Variants in RLF observed in about 807,000 individuals in gnomAD.
RLF encodes the protein RLF zinc finger, also known as zinc finger protein Rlf.
In RLF, 7 loss-of-function variants were observed where a neutral mutation model predicts 162.9. The ratio of observed to expected loss-of-function variants is 0.04; its 90% CI spans 0.02 to 0.08. The LOEUF (loss-of-function observed/expected upper bound fraction) is 0.08, where lower values mean the gene tolerates loss of function less well. RLF is among the 10% of genes least tolerant of loss of function. RLF has a pLI of 1.00. For synonymous variants in RLF, 782 were observed against 791.5 expected (o/e 0.99, Z 0.20); for missense variants, 1,664 against 2,244.7 (o/e 0.74, Z 5.23).
intron 1 of RLF, among the ~76,000 whole-genome samples, chr1:40,163,175 G>T (rs1198479412): frequency 6.6e-6 from 1 of 152,164 alleles, no homozygotes; most frequent in Non-Finnish European, 1.5e-5. Context: ...GAAGTAACTG[G>T]GAGAGGCCAC....
At chr1:40,185,389 C>G (rs1462792873) in intron 1 of RLF, among the ~76,000 whole-genome samples, 1 of 150,158 alleles carries the variant, frequency 6.7e-6, no homozygotes, top group Non-Finnish European at 1.5e-5. Flanking sequence ...CTCGGCCTCC[C>G]AAAGTGCTGG....
At chr1:40,173,533 A>G (rs1642275995) in intron 1 of RLF, among the ~76,000 whole-genome samples, 1 of 136,942 alleles carries the variant, frequency 7.3e-6, no homozygotes, top group Admixed American at 6.9e-5. Context: ...TTTTTTTTTA[A>G]GACAGAGCCT....
Position 40,171,763 on chromosome 1 carries a change from C to T in RLF, c.237+10127C>T, listed in dbSNP as rs182779609. ...AGAATGTGTGTTTATATAAATATTA[C>T]AATTTCTAATTGTGCAAACAACTCA... is the stretch of plus-strand genomic sequence containing the variant. On this transcript the variant is annotated intron_variant, in intron 1 of 7. Transcript: ENST00000372771. Among the ~76,000 whole-genome samples the T allele has an allele frequency of 8.6e-3, 1,315 of 152,124 alleles. 7 individuals are homozygous for T. The highest frequency in any genetic ancestry group is 0.031 in the Middle Eastern group (9 of 290).
At chr1:40,197,835 T>G (rs983496553) in intron 4 of RLF, among the ~76,000 whole-genome samples, 1 of 152,178 alleles carries the variant, frequency 6.6e-6, no homozygotes, top group African/African-American at 2.4e-5. Flanking sequence ...TAAAAAGCTT[T>G]CTTTATATCT....
intron 1 of RLF, among the ~76,000 whole-genome samples, chr1:40,162,217 G>A (rs901661477): frequency 2.0e-5 from 3 of 149,806 alleles, no homozygotes; most frequent in Non-Finnish European, 4.4e-5. Context: ...CCGTTCTTTC[G>A]TCTTTTCTGT....
chr1:40,200,542 TCTAACTGCA>T (rs1261178022), intron 4 of RLF, among the ~76,000 whole-genome samples: 2 of 152,020 alleles, frequency 1.3e-5, no homozygotes, highest in Non-Finnish European at 2.9e-5. Flanking sequence ...AGAAGATAGC[TCTAACTGCA>T]CAGATGATAG....
At position 40,212,089 on chromosome 1, in the gene RLF, A is replaced by G. The variant is rs557717014; in HGVS notation, c.810+9475A>G. ...GTTCTAAAGTAGCAGAGTTACACAC[A>G]TATTTGCCATCTACTTCACCTGAGT... is the stretch of plus-strand genomic sequence containing the variant. On this transcript the variant is annotated intron_variant, in intron 5 of 7. Coordinates refer to ENST00000372771, the MANE Select transcript of RLF (RefSeq NM_012421.4). Among the ~76,000 whole-genome samples the G allele has an allele frequency of 8.5e-5, 13 of 152,382 alleles. No individual in the cohort carries two copies. The East Asian group carries it at 1.9e-3, about 23-fold the overall frequency.
chr1:40,163,586 T>C (rs1642125680), intron 1 of RLF, among the ~76,000 whole-genome samples: 1 of 152,216 alleles, frequency 6.6e-6, no homozygotes, highest in Non-Finnish European at 1.5e-5. Flanking sequence ...GTGTAATTTG[T>C]CTTTTCTATG....
intron 6 of RLF, among the ~76,000 whole-genome samples, chr1:40,224,814 C>T (rs190317909): frequency 1.3e-5 from 2 of 150,584 alleles, no homozygotes; most frequent in East Asian, 4.0e-4. Context: ...TGGTGAAACC[C>T]CGTCTCTACT....
At chr1:40,190,917 A>G in intron 3 of RLF, 64 bp downstream of exon 3, 1 of 978,456 alleles carries the variant, frequency 1.0e-6, no homozygotes, top group Non-Finnish European at 1.6e-6. Context: ...TACTCCCAGC[A>G]AACTAAAATT....
At chr1:40,183,337 C>T (rs1642431605) in intron 1 of RLF, among the ~76,000 whole-genome samples, 1 of 152,188 alleles carries the variant, frequency 6.6e-6, no homozygotes, top group Non-Finnish European at 1.5e-5. Context: ...CACATAACTT[C>T]CTATTGCCAT....
In RLF at chr1:40,239,460, G is replaced by T; in HGVS notation, c.4758G>T (p.Glu1586Asp). Reference sequence around the variant, plus strand: ...GTGCCTATTTAGAGCAACAGATGGAGAATCTTGTTGTTTGCGTTAAGTACG... The same window carrying T: ...GTGCCTATTTAGAGCAACAGATGGATAATCTTGTTGTTTGCGTTAAGTACG... ...MSSAYLEQQM[E>D]NLVVCVKYGT... The change falls in exon 8 of 8, where the codon GAG becomes GAT. Residue 1586 changes from glutamate to aspartate, a missense_variant. By Grantham distance (45) the Glu-to-Asp change is conservative (BLOSUM62 2). Coordinates refer to ENST00000372771, the MANE Select transcript of RLF (RefSeq NM_012421.4). 6.2e-7 allele frequency: 1 copy of T among 1,614,004 alleles called. No homozygotes were observed. The highest frequency in any genetic ancestry group is 8.5e-7 in the Non-Finnish European group (1 of 1,180,040).
In RLF at chr1:40,162,184, CT is replaced by C. The variant is rs111773742; in HGVS notation, c.237+561del. ...GAGCCGGTTGGTTGTTTGGTTTTTG[CT>C]TTTTTTTTTTTTACGTTTAAGCCGT... is the stretch of plus-strand genomic sequence containing the variant. On this transcript the variant is annotated intron_variant, in intron 1 of 7. Coordinates refer to ENST00000372771, the MANE Select transcript of RLF (RefSeq NM_012421.4). Among the ~76,000 whole-genome samples, 993 of 139,182 alleles carry C rather than the reference CT, an allele frequency of 7.1e-3. 14 individuals carry two copies. The highest frequency in any genetic ancestry group is 0.033 in the East Asian group (162 of 4,856). The allele number at this position is 139,182 out of a possible 152,430, so 91.3% of individuals were successfully genotyped here.
chr1:40,196,109 T>C (rs1642632466), intron 4 of RLF, among the ~76,000 whole-genome samples: 1 of 151,854 alleles, frequency 6.6e-6, no homozygotes, highest in Non-Finnish European at 1.5e-5. Flanking sequence ...GTTGTCTCGC[T>C]CTGTCACCCA....
At chr1:40,219,806 C>G (rs1193747812) in intron 5 of RLF, among the ~76,000 whole-genome samples, 7 of 152,174 alleles carry the variant, frequency 4.6e-5, no homozygotes, top group Admixed American at 4.6e-4. Flanking sequence ...TTAGTATTTG[C>G]TGAAACTGCA....
At chr1:40,219,601 A>G (rs1642966761) in intron 5 of RLF, among the ~76,000 whole-genome samples, 1 of 152,232 alleles carries the variant, frequency 6.6e-6, no homozygotes, top group African/African-American at 2.4e-5. Flanking sequence ...AGCCCACACT[A>G]TAAACTAGTT....
chr1:40,187,954 T>TCCTCTGAAAATAAGACTTG (rs1362484565), intron 1 of RLF, among the ~76,000 whole-genome samples: 5 of 152,164 alleles, frequency 3.3e-5, no homozygotes, highest in African/African-American at 4.8e-5. Flanking sequence ...GTTAAAGCTA[T>TCCTCTGAAAATAAGACTTG]CCTCTGAAAA....
chr1:40,195,546 T>C, intron 3 of RLF, 86 bp from the exon 4 acceptor site: 1 of 1,069,930 alleles, frequency 9.3e-7, no homozygotes, highest in Non-Finnish European at 1.3e-6. Context: ...GTTCTTTCAA[T>C]TCCTAGGTGT....
chr1:40,190,237 T>A (rs1165108443), intron 2 of RLF, among the ~76,000 whole-genome samples: 2 of 152,208 alleles, frequency 1.3e-5, no homozygotes, highest in Admixed American at 1.3e-4. Context: ...TTCAAAAAAA[T>A]CTTCCTGTTA....
Sources: gnomAD v4.1 joint callset for allele counts (sites outside exome capture counted in the v4.1 genomes callset) on GRCh38, gnomAD v4.1.1 for gene constraint, MANE v1.5 for transcripts, NCBI Gene and HGNC (gene_info 2026-07-23, HGNC 2026-07-21) for gene names.